Variants in CLEC16A observed in about 807,000 individuals in gnomAD.
CLEC16A encodes the protein protein CLEC16A.
In CLEC16A, 51 loss-of-function variants were observed where a neutral mutation model predicts 109.5. The observed-to-expected ratio is 0.47, with a 90% CI of 0.37 to 0.59. The LOEUF (loss-of-function observed/expected upper bound fraction) is 0.59, where lower values mean the gene tolerates loss of function less well. Ranked by LOEUF, CLEC16A falls within the 20% of genes least tolerant of loss-of-function variation. CLEC16A has a pLI of 0.00. For missense variants in CLEC16A, 1,339 were observed against 1,394.0 expected (o/e 0.96, Z 0.63); for synonymous variants, 673 against 564.2 (o/e 1.19, Z -2.73).
chr16:10,946,115 G>A (rs181447358), intron 1 of CLEC16A, among the ~76,000 whole-genome samples: 18 of 152,322 alleles, frequency 1.2e-4, no homozygotes, highest in African/African-American at 4.1e-4. Context: ...TGGCGGGGAT[G>A]CTGAAGAGGG....
chr16:10,996,960 T>G (rs928747589), intron 10 of CLEC16A, among the ~76,000 whole-genome samples: 4 of 152,142 alleles, frequency 2.6e-5, no homozygotes, highest in Non-Finnish European at 5.9e-5. Flanking sequence ...CTTTTTGGTG[T>G]TTTTTGTTTG....
rs141956172 is a variant in CLEC16A at position 11,177,786 on chromosome 16, G to A, written c.2807-549G>A. ...GGGTGCTGGCTCAGCACTTTGAGGA[G>A]GAGGAGGAGGAGACAGGCCAAGGTT... On this transcript the variant is annotated intron_variant, in intron 23 of 23. Coordinates refer to ENST00000409790, the MANE Select transcript of CLEC16A (RefSeq NM_015226.3). Among the ~76,000 whole-genome samples the A allele has an allele frequency of 1.5e-3, 235 of 152,130 alleles. 1 individual carries two copies. The highest frequency in any genetic ancestry group is 5.4e-3 in the African/African-American group (223 of 41,500).
Position 11,126,093 on chromosome 16 carries a change from G to C in CLEC16A, c.2588G>C (p.Ser863Thr). The change falls in exon 22 of 24, where the codon AGC becomes ACC. Residue 863 changes from serine (S) to threonine (T), a missense_variant. Ser to Thr is a moderately conservative substitution (Grantham distance 58). Transcript: ENST00000409790. ...FRFYDQGRRG[S>T]SDPTVQRSVF... ...TTCTACGACCAGGGGCGCCGGGGCA[G>C]CAGCGACCCCACAGTGCAGCGCTCC... The C allele has an allele frequency of 6.2e-7, 1 of 1,613,932 alleles. No homozygotes were observed. The highest frequency in any genetic ancestry group is 8.5e-7 in the Non-Finnish European group (1 of 1,179,886).
intron 13 of CLEC16A, among the ~76,000 whole-genome samples, chr16:11,030,718 C>T (rs546911249): frequency 5.3e-4 from 81 of 152,304 alleles, no homozygotes; most frequent in Non-Finnish European, 9.3e-4. Flanking sequence ...AATCTTGGCT[C>T]GCTGCAACCT....
At chr16:11,131,459 C>T (rs2053201453) in intron 22 of CLEC16A, among the ~76,000 whole-genome samples, 1 of 152,214 alleles carries the variant, frequency 6.6e-6, no homozygotes, top group South Asian at 2.1e-4. Context: ...CTCCTACTGG[C>T]CCAGAGGCTG....
chr16:11,129,924 G>A (rs1015008395), intron 22 of CLEC16A, among the ~76,000 whole-genome samples: 5 of 152,140 alleles, frequency 3.3e-5, no homozygotes, highest in East Asian at 1.9e-4. Context: ...CACCACGCCC[G>A]GTTAATTTTT....
chr16:11,092,361 A>AACAAAC (rs1242393235), intron 19 of CLEC16A, among the ~76,000 whole-genome samples: 4 of 132,544 alleles, frequency 3.0e-5, no homozygotes, highest in African/African-American at 1.1e-4. Flanking sequence ...AACAAAAACA[A>AACAAAC]ACACACACAC....
rs918761994 is a variant in CLEC16A at position 10,954,370 on chromosome 16, A to G, written c.81-3412A>G. Among the ~76,000 whole-genome samples the G allele has an allele frequency of 2.0e-5, 3 of 152,084 alleles. No individual in the cohort carries two copies. Among genetic ancestry groups the G allele is most frequent in the Non-Finnish European group, 2.9e-5 (2 of 68,012 alleles). ...TCCTAGAATCTTTTTTTCAGGACTT[A>G]CCGCCCTGCCCTCTCTGCCTATAAG... On this transcript the variant is annotated intron_variant, in intron 1 of 23. Coordinates refer to ENST00000409790, the MANE Select transcript of CLEC16A (RefSeq NM_015226.3). This position sits in a 1 kb window ranked among gnomAD's most constrained non-coding sequence, Gnocchi z 4.2.
At chr16:10,966,715 A>G (rs1035164651) in intron 3 of CLEC16A, among the ~76,000 whole-genome samples, 4 of 152,188 alleles carry the variant, frequency 2.6e-5, no homozygotes, top group African/African-American at 9.7e-5. Flanking sequence ...GTGCTCAGCA[A>G]AGGGGGAAGC....
intron 10 of CLEC16A, among the ~76,000 whole-genome samples, chr16:10,998,492 A>C (rs2044464608): frequency 6.6e-6 from 1 of 152,186 alleles, no homozygotes. Flanking sequence ...TCCCTGGGGC[A>C]TGTGTTGTGT....
At chr16:11,076,062 C>T (rs1232910531) in intron 19 of CLEC16A, among the ~76,000 whole-genome samples, 2 of 131,282 alleles carry the variant, frequency 1.5e-5, no homozygotes, top group African/African-American at 2.9e-5. Flanking sequence ...CTTTAGCTCC[C>T]CTGCAGCTGG....
intron 19 of CLEC16A, among the ~76,000 whole-genome samples, chr16:11,086,508 A>T (rs560695461): frequency 2.6e-5 from 4 of 152,212 alleles, no homozygotes; most frequent in African/African-American, 9.6e-5. Flanking sequence ...TGGAATTCAG[A>T]TGGGGATGGT....
intron 18 of CLEC16A, among the ~76,000 whole-genome samples, chr16:11,055,731 C>T (rs1284604479): frequency 2.6e-5 from 4 of 151,350 alleles, no homozygotes; most frequent in East Asian, 3.9e-4. Context: ...TGAGCCACCA[C>T]GTCCAGCTGA....
At chr16:11,123,537 C>T (rs1449779450) in intron 20 of CLEC16A, among the ~76,000 whole-genome samples, 1 of 152,188 alleles carries the variant, frequency 6.6e-6, no homozygotes, top group Non-Finnish European at 1.5e-5. Flanking sequence ...TACTCTGTGC[C>T]TCCTCCCACA....
At chr16:11,072,599 C>G (rs1419902147) in intron 19 of CLEC16A, among the ~76,000 whole-genome samples, 1 of 152,148 alleles carries the variant, frequency 6.6e-6, no homozygotes, top group African/African-American at 2.4e-5. Context: ...GCTGTGTGAC[C>G]TTGGACAAAT....
chr16:11,032,759 A>G (rs74007598), intron 13 of CLEC16A, among the ~76,000 whole-genome samples: 13,045 of 152,182 alleles, frequency 0.086, 600 homozygotes, highest in African/African-American at 0.12. Context: ...AGGGAGCAGC[A>G]TGTACAGAGG....
intron 19 of CLEC16A, among the ~76,000 whole-genome samples, chr16:11,108,945 C>T (rs2051388401): frequency 6.6e-6 from 1 of 151,890 alleles, no homozygotes; most frequent in Non-Finnish European, 1.5e-5. Context: ...CCCATCTCTA[C>T]TAAAAATACA....
At chr16:11,131,414 C>T (rs1397456217) in intron 22 of CLEC16A, among the ~76,000 whole-genome samples, 1 of 152,106 alleles carries the variant, frequency 6.6e-6, no homozygotes, top group Admixed American at 6.5e-5. Flanking sequence ...TCAGGGGCTA[C>T]GGCCTCCCAG....
In CLEC16A at chr16:10,979,396, TTCACCA is replaced by T. The variant is rs1567534070; in HGVS notation, c.957+15_957+20del. 1 of 1,611,640 alleles carries T rather than the reference TTCACCA, an allele frequency of 6.2e-7. No individual in the cohort carries two copies. Among genetic ancestry groups the T allele is most frequent in the African/African-American group, 1.3e-5 (1 of 74,854 alleles). ...CTTCTGTCACAGGTATGCTTGATCA[TTCACCA>T]ATGTCCCCACTACATTTGGGGTCCC... On this transcript the variant is annotated intron_variant, in intron 9 of 23. Transcript: ENST00000409790.
Sources: gnomAD v4.1 joint callset for allele counts (sites outside exome capture counted in the v4.1 genomes callset) on GRCh38, gnomAD v4.1.1 for gene constraint, Gnocchi (gnomAD v3.1) non-coding constraint, MANE v1.5 for transcripts, NCBI Gene and HGNC (gene_info 2026-07-23, HGNC 2026-07-21) for gene names.